The following UBL3 variants were observed in gnomAD, a reference collection of about 807,000 sequenced individuals.
The protein encoded by UBL3 is ubiquitin-like protein 3.
In UBL3, 6 loss-of-function variants were observed where a neutral mutation model predicts 18.4. The ratio of observed to expected loss-of-function variants is 0.33; its 90% CI spans 0.18 to 0.64. UBL3 has a LOEUF of 0.64. UBL3 is among the 30% of genes least tolerant of loss of function. UBL3 has a pLI of 0.76. For synonymous variants in UBL3, 49 were observed against 46.6 expected, an observed-to-expected ratio of 1.05 and a Z score of -0.21; for missense variants, 109 against 142.9, an observed-to-expected ratio of 0.76 and a Z score of 1.21.
intron 1 of UBL3, among the ~76,000 whole-genome samples, chr13:29,829,090 GGGGTGCCTCCCAGTA>G (rs1273798650): frequency 2.3e-4 from 35 of 152,280 alleles, no homozygotes; most frequent in Non-Finnish European, 4.4e-4. Flanking sequence ...CCCCTACTAG[GGGGTGCCTCCCAGTA>G]GGGTGCCTCC....
At chr13:29,828,340 T>C (rs1192347115) in intron 1 of UBL3, among the ~76,000 whole-genome samples, 1 of 152,220 alleles carries the variant, frequency 6.6e-6, no homozygotes, top group Non-Finnish European at 1.5e-5. Flanking sequence ...TTTGGTCTAT[T>C]CACATAGTCC....
chr13:29,796,692 C>T (rs1041384236), intron 1 of UBL3, among the ~76,000 whole-genome samples: 33 of 152,100 alleles, frequency 2.2e-4, no homozygotes, highest in African/African-American at 6.8e-4. Flanking sequence ...AAATCAAAAC[C>T]ACAGTGAAAT....
intron 2 of UBL3, among the ~76,000 whole-genome samples, chr13:29,776,129 C>A (rs2139310631): frequency 6.6e-6 from 1 of 151,702 alleles, no homozygotes. Flanking sequence ...TAGAGAAGAC[C>A]ACAGAGAATG....
chr13:29,765,385 A>G lies in UBL3; in HGVS notation c.*1870T>C, dbSNP rs539814347. Reference sequence around the variant, plus strand: ...TAAATATTTAACATCTCTTGAAGATAACATTTTAGTGATAACGGAGACTAC... The same window carrying G: ...TAAATATTTAACATCTCTTGAAGATGACATTTTAGTGATAACGGAGACTAC... On this transcript the variant is annotated 3_prime_UTR_variant, in exon 5 of 5. Coordinates refer to ENST00000380680, the MANE Select transcript of UBL3 (RefSeq NM_007106.4). 6.6e-6 allele frequency: 1 copy of G among 152,338 alleles called. No homozygotes were observed. Among genetic ancestry groups the G allele is most frequent in the African/African-American group, 2.4e-5 (1 of 41,602 alleles). 9.4% of individuals were successfully genotyped at this position (152,338 alleles called of 1,614,324 possible). A position where few individuals can be genotyped will look rare whatever the true frequency, so the allele number is the denominator to read the frequency against.
At chr13:29,840,670 TC>T (rs746338465) in intron 1 of UBL3, among the ~76,000 whole-genome samples, 14 of 152,194 alleles carry the variant, frequency 9.2e-5, no homozygotes, top group Non-Finnish European at 2.1e-4. Context: ...TATATATCCT[TC>T]TCTTTCCCAC....
At chr13:29,771,193 T>C (rs11620351) in intron 3 of UBL3, among the ~76,000 whole-genome samples, 4,285 of 151,960 alleles carry the variant, frequency 0.028, 99 homozygotes, top group Non-Finnish European at 0.041. Context: ...TAAGGAAAAA[T>C]AGATTAAATA....
At chr13:29,802,329 C>T (rs538891391) in intron 1 of UBL3, among the ~76,000 whole-genome samples, 2 of 152,306 alleles carry the variant, frequency 1.3e-5, no homozygotes, top group East Asian at 1.9e-4. Context: ...TGACTGTACT[C>T]GAGTTACACC....
Position 29,764,860 on chromosome 13 carries a change from C to T in UBL3, c.*2395G>A, listed in dbSNP as rs1250695202. On this transcript the variant is annotated 3_prime_UTR_variant, in exon 5 of 5. Transcript: ENST00000380680. The stretch of plus-strand genomic sequence containing the variant: ...AAAAGTAGCCTTGGATATGAGGAAT[C>T]GTATTTTAACCACCAGGCAGTCCAA... The T allele has an allele frequency of 6.6e-6, 1 of 152,100 alleles. No individual in the cohort carries two copies. Among genetic ancestry groups the T allele is most frequent in the Non-Finnish European group, 1.5e-5 (1 of 68,016 alleles). 9.4% of individuals were successfully genotyped at this position (152,100 alleles called of 1,614,324 possible). A position where few individuals can be genotyped will look rare whatever the true frequency, so the allele number is the denominator to read the frequency against.
intron 1 of UBL3, among the ~76,000 whole-genome samples, chr13:29,828,129 A>C (rs1456745996): frequency 1.3e-5 from 2 of 151,928 alleles, no homozygotes; most frequent in African/African-American, 4.8e-5. Context: ...CCTTCATTTC[A>C]ACTTGGTGAA....
At chr13:29,835,091 T>TAA (rs1878888395) in intron 1 of UBL3, among the ~76,000 whole-genome samples, 5 of 20,918 alleles carry the variant, frequency 2.4e-4, no homozygotes, top group African/African-American at 3.9e-4. Flanking sequence ...TAAATATAAA[T>TAA]ATATATATAT....
At chr13:29,780,227 A>G (rs953715218) in intron 1 of UBL3, among the ~76,000 whole-genome samples, 18 of 150,704 alleles carry the variant, frequency 1.2e-4, no homozygotes, top group Admixed American at 2.7e-4. Flanking sequence ...GGTGGCGGGC[A>G]CCTGTAGTCC....
intron 1 of UBL3, among the ~76,000 whole-genome samples, chr13:29,807,153 A>G (rs986216257): frequency 1.3e-5 from 2 of 152,120 alleles, no homozygotes; most frequent in African/African-American, 4.8e-5. Flanking sequence ...TGTTAAAGAG[A>G]ACCTAGGTAC....
intron 1 of UBL3, among the ~76,000 whole-genome samples, chr13:29,821,184 C>T (rs1309091458): frequency 6.6e-6 from 1 of 152,018 alleles, no homozygotes; most frequent in East Asian, 1.9e-4. Flanking sequence ...AAGAAGCTTA[C>T]TAAGTACCAA....
intron 1 of UBL3, among the ~76,000 whole-genome samples, chr13:29,843,798 T>C (rs1352070852): frequency 6.6e-6 from 1 of 152,234 alleles, no homozygotes; most frequent in Non-Finnish European, 1.5e-5. Flanking sequence ...ATGTTTCTTT[T>C]GAAAAGCAGG....
At chr13:29,769,682 T>A (rs1473674768) in intron 3 of UBL3, among the ~76,000 whole-genome samples, 2 of 152,260 alleles carry the variant, frequency 1.3e-5, no homozygotes, top group Non-Finnish European at 2.9e-5. Context: ...GCTGATCATC[T>A]TCTTCACCCT....
At position 29,827,772 on chromosome 13, in the gene UBL3, C is replaced by T. The variant is rs184825452; in HGVS notation, c.27+21740G>A. Among the ~76,000 whole-genome samples, 274 of 152,270 alleles carry T rather than the reference C, an allele frequency of 1.8e-3. 2 individuals carry two copies. The highest frequency in any genetic ancestry group is 0.014 in the Middle Eastern group (4 of 294). ...ATTAGTTGATGCAGTTTCTTCCTAG[C>T]ATTGATGGTCTTTACTATTTGGCAT... On this transcript the variant is annotated intron_variant, in intron 1 of 4. Coordinates refer to ENST00000380680, the MANE Select transcript of UBL3 (RefSeq NM_007106.4).
intron 1 of UBL3, among the ~76,000 whole-genome samples, chr13:29,821,791 G>A (rs771178828): frequency 3.0e-4 from 46 of 151,968 alleles, no homozygotes; most frequent in Non-Finnish European, 5.7e-4. Flanking sequence ...CATTGATTTC[G>A]TACAGAAATA....
At chr13:29,794,574 C>T (rs569106742) in intron 1 of UBL3, among the ~76,000 whole-genome samples, 11 of 152,160 alleles carry the variant, frequency 7.2e-5, no homozygotes, top group Non-Finnish European at 1.0e-4. Context: ...TATAGAGCTA[C>T]GCAGTCACCA....
chr13:29,788,090 G>A (rs867223753), intron 1 of UBL3, among the ~76,000 whole-genome samples: 2 of 152,084 alleles, frequency 1.3e-5, no homozygotes, highest in Admixed American at 6.5e-5. Flanking sequence ...TAGTTCTAGC[G>A]CAAGGCACAT....
Sources: gnomAD v4.1 joint callset for allele counts (sites outside exome capture counted in the v4.1 genomes callset) on GRCh38, gnomAD v4.1.1 for gene constraint, MANE v1.5 for transcripts, NCBI Gene and HGNC (gene_info 2026-07-23, HGNC 2026-07-21) for gene names.